Variants in CD9 observed in about 807,000 individuals in gnomAD.
CD9 encodes CD9 molecule.
CD9 carries 10 observed loss-of-function variants against 31.4 expected under a neutral mutation model. That is an observed-to-expected ratio of 0.32 (90% CI 0.20 to 0.54). The LOEUF is 0.54. Ranked by LOEUF, CD9 falls within the 20% of genes least tolerant of loss-of-function variation. CD9 has a pLI of 0.94. For missense variants in CD9, 259 were observed against 300.1 expected, an observed-to-expected ratio of 0.86 and a Z score of 1.01; for synonymous variants, 113 against 114.1, an observed-to-expected ratio of 0.99 and a Z score of 0.06.
In CD9 at chr12:6,200,508, C is replaced by G; in HGVS notation, c.9C>G (p.Val3=). The G allele has an allele frequency of 6.2e-7, 1 of 1,610,622 alleles. No homozygotes were observed. ...CTAAGTTAGCCCTCACCATGCCGGT[C>G]AAAGGAGGCACCAAGTGCATCAAAT... MP[V]KGGTKCIKYL... Residue 3 remains valine, a synonymous_variant, in exon 1 of 8, where the codon GTC becomes GTG. Coordinates refer to ENST00000009180, the MANE Select transcript of CD9 (RefSeq NM_001769.4).
rs1339219616 is a variant in CD9, at chr12:6,234,954, TAGG to T, written c.349-272_349-270del. The stretch of plus-strand genomic sequence containing the variant: ...TAGAGATTCAATTTAGGAGCCAAGT[TAGG>T]AGCCAAGTAGAGCTGAAGGACTGAC... On this transcript the variant is annotated intron_variant, in intron 4 of 7. Coordinates refer to ENST00000009180, the MANE Select transcript of CD9 (RefSeq NM_001769.4). Among the ~76,000 whole-genome samples the T allele has an allele frequency of 7.9e-5, 12 of 152,264 alleles. No individual in the cohort carries two copies. In the East Asian group the frequency reaches 2.1e-3, roughly 27 times the overall value.
At chr12:6,221,070 T>C (rs941463729) in intron 1 of CD9, among the ~76,000 whole-genome samples, 8 of 152,234 alleles carry the variant, frequency 5.3e-5, no homozygotes, top group Non-Finnish European at 1.0e-4. Flanking sequence ...GCAAGTATTT[T>C]GTAGACTGTG....
chr12:6,202,628 CTG>C (rs1946089499), intron 1 of CD9, among the ~76,000 whole-genome samples: 1 of 152,202 alleles, frequency 6.6e-6, no homozygotes, highest in East Asian at 1.9e-4. Context: ...TCTACTCTGT[CTG>C]TGGCCTGCTG....
chr12:6,200,666 C>A, intron 1 of CD9, 101 bp downstream of exon 1: 1 of 753,514 alleles, frequency 1.3e-6, no homozygotes, highest in Non-Finnish European at 2.3e-6. Flanking sequence ...GCACTGCCCG[C>A]ACCGGGCAGG....
At chr12:6,223,293 G>T (rs1446243044) in intron 1 of CD9, among the ~76,000 whole-genome samples, 1 of 146,506 alleles carries the variant, frequency 6.8e-6, no homozygotes, top group African/African-American at 2.6e-5. Context: ...AGGGAGTCTC[G>T]CTCTGTCGCC....
chr12:6,200,576 G>A lies in CD9; in HGVS notation c.66+11G>A. ...AACTTCATCTTCTGGGTGAGTGAGC[G>A]CGACTGCCGCGCGCTCCTCTCAGGG... On this transcript the variant is annotated intron_variant, in intron 1 of 7. Coordinates refer to ENST00000009180, the MANE Select transcript of CD9 (RefSeq NM_001769.4). 1 of 1,591,880 alleles carries A rather than the reference G, an allele frequency of 6.3e-7. No individual in the cohort carries two copies. Among genetic ancestry groups the A allele is most frequent in the East Asian group, 2.2e-5 (1 of 44,624 alleles).
chr12:6,203,243 GT>G (rs1232719967), intron 1 of CD9, among the ~76,000 whole-genome samples: 1 of 152,134 alleles, frequency 6.6e-6, no homozygotes, highest in Non-Finnish European at 1.5e-5. Context: ...TACCCAACTG[GT>G]TTTGGCTGCT....
At chr12:6,235,599 C>A in intron 6 of CD9, 34 bp downstream of exon 6, 1 of 1,584,110 alleles carries the variant, frequency 6.3e-7, no homozygotes. Flanking sequence ...TGTCCCTGCC[C>A]CCATTGCTCT....
At chr12:6,212,484 G>C (rs374189540) in intron 1 of CD9, among the ~76,000 whole-genome samples, 199 of 152,238 alleles carry the variant, frequency 1.3e-3, no homozygotes, top group African/African-American at 3.3e-3. Flanking sequence ...TACACACAAC[G>C]AGCCAGGCAT....
intron 7 of CD9, chr12:6,236,533 C>G: frequency 1.9e-6 from 1 of 539,032 alleles, no homozygotes; most frequent in Non-Finnish European, 3.3e-6. Context: ...CGTTAAGGTT[C>G]AGGGCACATG....
intron 1 of CD9, among the ~76,000 whole-genome samples, chr12:6,211,415 T>G (rs1946192955): frequency 6.6e-6 from 1 of 152,186 alleles, no homozygotes; most frequent in South Asian, 2.1e-4. Context: ...CAAGATCCCA[T>G]GTTGGAGCAG....
intron 4 of CD9, 50 bp downstream of exon 4, chr12:6,233,536 G>A (rs745900292): frequency 6.4e-5 from 90 of 1,411,194 alleles, no homozygotes; most frequent in Non-Finnish European, 8.7e-5. Flanking sequence ...GGGGATGGGG[G>A]ACAGTGAAGC....
intron 1 of CD9, among the ~76,000 whole-genome samples, chr12:6,219,099 G>A (rs898839955): frequency 6.6e-6 from 1 of 152,058 alleles, no homozygotes; most frequent in Non-Finnish European, 1.5e-5. Flanking sequence ...TCTGGCTCCC[G>A]GGTTCAAGTG....
At chr12:6,226,793 C>T (rs1037319599) in intron 2 of CD9, among the ~76,000 whole-genome samples, 5 of 152,176 alleles carry the variant, frequency 3.3e-5, no homozygotes, top group Non-Finnish European at 5.9e-5. Flanking sequence ...TTCTATAGCG[C>T]CCTGACTTGT....
chr12:6,226,588 G>C (rs1946369506), intron 2 of CD9, among the ~76,000 whole-genome samples: 1 of 152,178 alleles, frequency 6.6e-6, no homozygotes, highest in Non-Finnish European at 1.5e-5. Flanking sequence ...TGGGTAGGGA[G>C]AGTCTTTAAA....
At chr12:6,212,944 A>T (rs1946207565) in intron 1 of CD9, among the ~76,000 whole-genome samples, 1 of 151,976 alleles carries the variant, frequency 6.6e-6, no homozygotes, top group Admixed American at 6.6e-5. Flanking sequence ...GGTTGGGGGG[A>T]GTGGGCCAGG....
At chr12:6,217,437 A>G (rs1195676093) in intron 1 of CD9, among the ~76,000 whole-genome samples, 1 of 152,178 alleles carries the variant, frequency 6.6e-6, no homozygotes, top group Non-Finnish European at 1.5e-5. Flanking sequence ...AGACTGAAGT[A>G]GGAGGATCGC....
chr12:6,204,853 C>G (rs576311237), intron 1 of CD9, among the ~76,000 whole-genome samples: 1 of 152,192 alleles, frequency 6.6e-6, no homozygotes, highest in Non-Finnish European at 1.5e-5. Flanking sequence ...GAGGACCCTC[C>G]CAATCCACAC....
intron 1 of CD9, among the ~76,000 whole-genome samples, chr12:6,211,195 C>G (rs1286254603): frequency 2.6e-5 from 4 of 152,134 alleles, no homozygotes; most frequent in African/African-American, 9.7e-5. Context: ...ACAATATTAC[C>G]TCTTTGGTGG....
Sources: gnomAD v4.1 joint callset for allele counts (sites outside exome capture counted in the v4.1 genomes callset) on GRCh38, gnomAD v4.1.1 for gene constraint, MANE v1.5 for transcripts, NCBI Gene and HGNC (gene_info 2026-07-23, HGNC 2026-07-21) for gene names.